The following MLXIPL variants were observed in gnomAD, a reference collection of about 807,000 sequenced individuals.
The protein encoded by MLXIPL is carbohydrate-responsive element-binding protein.
MLXIPL carries 49 observed loss-of-function variants against 81.5 expected under a neutral mutation model. That is an observed-to-expected ratio of 0.60 (90% CI 0.48 to 0.76). The LOEUF is 0.76. Ranked by LOEUF, MLXIPL falls within the 30% of genes least tolerant of loss-of-function variation. The pLI is 0.00. For missense variants in MLXIPL, 1,053 were observed against 1,167.0 expected (o/e 0.90, Z 1.42); for synonymous variants, 466 against 485.5 (o/e 0.96, Z 0.53).
At chr7:73,621,052 A>AAAATAAATAAAT (rs4027532) in intron 1 of MLXIPL, among the ~76,000 whole-genome samples, 1 of 148,648 alleles carries the variant, frequency 6.7e-6, no homozygotes, top group African/African-American at 2.5e-5. Context: ...TCTGTCTCCA[A>AAAATAAATAAAT]AAATAAATAA....
chr7:73,606,675 C>T, intron 5 of MLXIPL: 1 of 409,808 alleles, frequency 2.4e-6, no homozygotes, highest in South Asian at 2.3e-5. Flanking sequence ...ACCCACCCGC[C>T]TCGGCCTCCC....
At chr7:73,637,639 G>T in the MLXIPL span, among the ~76,000 whole-genome samples, 1 of 150,394 alleles carries the variant, frequency 6.6e-6, no homozygotes, top group Non-Finnish European at 1.5e-5. Flanking sequence ...TTGCCCCGTT[G>T]TATAGGATAC....
In MLXIPL at chr7:73,593,700, TCCAGGAGG is replaced by T; in HGVS notation, c.*157_*164del. The T allele has an allele frequency of 1.5e-6, 1 of 669,798 alleles. No homozygotes were observed. Among genetic ancestry groups the T allele is most frequent in the Admixed American group, 2.2e-5 (1 of 45,668 alleles). The allele number at this position is 669,798 out of a possible 1,614,324, so 41.5% of individuals were successfully genotyped here. ...GACGGGGACTCTGCTCTTCTTGACC[TCCAGGAGG>T]TGGCAAGTGTGAAACCTGGACCCTG... On this transcript the variant is annotated 3_prime_UTR_variant, in exon 17 of 17. Coordinates refer to ENST00000313375, the MANE Select transcript of MLXIPL (RefSeq NM_032951.3).
intron 2 of MLXIPL, among the ~76,000 whole-genome samples, chr7:73,615,194 G>A (rs1470885753): frequency 4.6e-5 from 7 of 152,134 alleles, no homozygotes; most frequent in Non-Finnish European, 1.0e-4. Context: ...ACGGGGTGGA[G>A]GAACTAGCTC....
intron 1 of MLXIPL, among the ~76,000 whole-genome samples, 177 bp from the exon 2 acceptor site, chr7:73,616,354 T>C (rs1796008956): frequency 6.6e-6 from 1 of 151,908 alleles, no homozygotes; most frequent in Admixed American, 6.6e-5. Flanking sequence ...ACCTTCAAAA[T>C]CCCCTTCCAG....
chr7:73,616,849 A>G (rs1554600854), intron 1 of MLXIPL, among the ~76,000 whole-genome samples: 2 of 88,678 alleles, frequency 2.3e-5, no homozygotes, highest in African/African-American at 9.6e-5. Context: ...ACTCCGTCTC[A>G]AAAAAAAAAA....
At chr7:73,610,412 TTCCAAACCCGTCCCCC>T (rs782463677) in intron 2 of MLXIPL, 3 of 143,236 alleles carry the variant, frequency 2.1e-5, no homozygotes, top group Non-Finnish European at 4.6e-5. Flanking sequence ...TTGGCTTGGC[TTCCAAACCCGTCCCCC>T]TCCTCCATGA....
chr7:73,640,375 C>G, the MLXIPL span, among the ~76,000 whole-genome samples: 1 of 147,704 alleles, frequency 6.8e-6, no homozygotes, highest in Non-Finnish European at 1.5e-5. Flanking sequence ...ACTACACTTC[C>G]TGGGTGACAG....
intron 4 of MLXIPL, 46 bp downstream of exon 4, chr7:73,607,285 C>A: frequency 6.6e-7 from 1 of 1,525,740 alleles, no homozygotes; most frequent in Non-Finnish European, 8.9e-7. Flanking sequence ...TAGCCGGCAG[C>A]CGCAGGAGGA....
chr7:73,599,893 T>C (rs1794649693), intron 7 of MLXIPL, among the ~76,000 whole-genome samples, 198 bp from the exon 8 acceptor site: 1 of 151,796 alleles, frequency 6.6e-6, no homozygotes, highest in African/African-American at 2.4e-5. Flanking sequence ...GCAACCGTCT[T>C]GGGTGGAATG....
Position 73,595,939 on chromosome 7 carries a change from C to A in MLXIPL, c.2089G>T (p.Ala697Ser). 1 of 1,613,202 alleles carries A rather than the reference C, an allele frequency of 6.2e-7. No homozygotes were observed. ...VSKATTLQKT[A>S]EYILMLQQER... Reference sequence around the variant, plus strand: ...TGCTGTAGCATAAGGATGTACTCAGCTGTCTTCTGCAGCGTGGTAGCTTTG... The same window carrying A: ...TGCTGTAGCATAAGGATGTACTCAGATGTCTTCTGCAGCGTGGTAGCTTTG... The change falls in exon 14 of 17, where the codon GCT (alanine) becomes TCT (serine). Residue 697 changes from alanine to serine, a missense_variant. Ala to Ser is a moderately conservative substitution (Grantham distance 99). Around this residue, in one of 3 missense-constraint regions of MLXIPL, gnomAD observed 823 missense variants for 933.0 expected, o/e 0.88. Coordinates refer to ENST00000313375, the MANE Select transcript of MLXIPL (RefSeq NM_032951.3).
chr7:73,616,993 T>G (rs1230728312), intron 1 of MLXIPL, among the ~76,000 whole-genome samples: 1 of 151,842 alleles, frequency 6.6e-6, no homozygotes, highest in African/African-American at 2.4e-5. Context: ...CTGTGTTTTG[T>G]TTTGGTTTGG....
At chr7:73,610,510 A>G (rs1554599503) in intron 2 of MLXIPL, 1 of 152,072 alleles carries the variant, frequency 6.6e-6, no homozygotes, top group African/African-American at 2.4e-5. Flanking sequence ...TTGTCACCCA[A>G]GTTGGAGAGC....
At position 73,596,246 on chromosome 7, in the gene MLXIPL, G is replaced by A. The variant is rs782313671; in HGVS notation, c.1965C>T (p.Ile655=). ...NKTENRRITH[I]SAEQKRRFNI... ...TGAAGCGCCGCTTCTGCTCCGCGGAGATGTGTGTGATACGCCGGTTCTCGG... is the reference window on the plus strand; with the variant it reads ...TGAAGCGCCGCTTCTGCTCCGCGGAAATGTGTGTGATACGCCGGTTCTCGG... The change falls in exon 13 of 17, where the codon ATC becomes ATT. Residue 655 remains isoleucine, a synonymous_variant. Transcript: ENST00000313375. The surrounding 1 kb of genome is among the most constrained non-coding windows in gnomAD (Gnocchi z 4.7). 1 of 1,613,394 alleles carries A rather than the reference G, an allele frequency of 6.2e-7. No homozygotes were observed.
chr7:73,597,146 TC>T, intron 9 of MLXIPL, 35 bp downstream of exon 9: 1 of 1,169,660 alleles, frequency 8.5e-7, no homozygotes. Context: ...CTGGCCTCCC[TC>T]CCCAGGCTTT....
At chr7:73,613,749 A>T (rs1239084347) in intron 2 of MLXIPL, among the ~76,000 whole-genome samples, 1 of 152,186 alleles carries the variant, frequency 6.6e-6, no homozygotes, top group Non-Finnish European at 1.5e-5. Context: ...CTGATTCCGA[A>T]CCTGGGGTCC....
the MLXIPL span, among the ~76,000 whole-genome samples, chr7:73,645,361 G>C: frequency 2.0e-5 from 3 of 152,190 alleles, no homozygotes; most frequent in Non-Finnish European, 4.4e-5. Flanking sequence ...TTATTTATCA[G>C]TGCCAGGACC....
upstream of MLXIPL, among the ~76,000 whole-genome samples, chr7:73,629,315 C>G (rs1796799102): frequency 6.6e-6 from 1 of 152,100 alleles, no homozygotes; most frequent in Non-Finnish European, 1.5e-5. Context: ...CCTGGAATTA[C>G]AGGAGTGAGG....
the MLXIPL span, among the ~76,000 whole-genome samples, chr7:73,637,489 G>C: frequency 6.6e-6 from 1 of 150,772 alleles, no homozygotes; most frequent in Non-Finnish European, 1.5e-5. Context: ...AAAAAAAAAA[G>C]AAAAAACAAA....
Sources: gnomAD v4.1 joint callset for allele counts (sites outside exome capture counted in the v4.1 genomes callset) on GRCh38, gnomAD v4.1.1 for gene constraint, gnomAD v4.1.1 regional missense constraint, Gnocchi (gnomAD v3.1) non-coding constraint, MANE v1.5 for transcripts, NCBI Gene and HGNC (gene_info 2026-07-23, HGNC 2026-07-21) for gene names.